OXCT1: variants seen among roughly 807,000 people sequenced by gnomAD.
OXCT1 encodes 3-oxoacid CoA-transferase 1.
OXCT1 carries 27 observed loss-of-function variants against 69.6 expected under a neutral mutation model. The observed-to-expected ratio is 0.39, with a 90% confidence interval of 0.29 to 0.54. The LOEUF (loss-of-function observed/expected upper bound fraction) is 0.54. OXCT1 is among the 20% of genes least tolerant of loss of function. OXCT1 has a pLI of 0.72. For missense variants in OXCT1, 437 were observed against 650.2 expected, an observed-to-expected ratio of 0.67 and a Z score of 3.57; for synonymous variants, 202 against 217.8, an observed-to-expected ratio of 0.93 and a Z score of 0.64.
chr5:41,837,624 G>A (rs1387442140), intron 7 of OXCT1, among the ~76,000 whole-genome samples: 3 of 137,402 alleles, frequency 2.2e-5, no homozygotes, highest in Non-Finnish European at 3.1e-5. Flanking sequence ...AGAAAAATAA[G>A]CTGGGCAAAA....
rs1750213597 is a variant in OXCT1 at position 41,870,065 on chromosome 5, AG to A, written c.78+215del. The stretch of plus-strand genomic sequence containing the variant: ...CTTCTTTATCGCGTCTCGCTCCATC[AG>A]GGAAGCGACTGCAGAACCAAGCAAA... On this transcript the variant is annotated intron_variant, in intron 1 of 16. Coordinates refer to ENST00000196371, the MANE Select transcript of OXCT1 (RefSeq NM_000436.4). The surrounding 1 kb of genome is among the most constrained non-coding windows in gnomAD (Gnocchi z 4.2). The A allele has an allele frequency of 5.1e-6, 3 of 591,468 alleles. No homozygotes were observed. The highest frequency in any genetic ancestry group is 9.1e-6 in the Non-Finnish European group (3 of 328,088). 36.6% of individuals were successfully genotyped at this position (591,468 alleles called of 1,614,324 possible).
chr5:41,850,988 A>G (rs1291828955), intron 4 of OXCT1, among the ~76,000 whole-genome samples: 2 of 152,152 alleles, frequency 1.3e-5, no homozygotes, highest in Non-Finnish European at 2.9e-5. Context: ...CTTACTAGAA[A>G]ACTGACTGGC....
chr5:41,870,390 G>T lies in OXCT1; in HGVS notation c.-32C>A, dbSNP rs1281485983. On this transcript the variant is annotated 5_prime_UTR_variant, in exon 1 of 17. Coordinates refer to ENST00000196371, the MANE Select transcript of OXCT1 (RefSeq NM_000436.4). The surrounding 1 kb of genome is among the most constrained non-coding windows in gnomAD (Gnocchi z 4.2). Reference sequence around the variant, plus strand: ...GCGGTGAGGCAGGAGGAGGCTGCGGGTTGGAGCGCGCGTTTGAGCGTCGGT... The same window carrying T: ...GCGGTGAGGCAGGAGGAGGCTGCGGTTTGGAGCGCGCGTTTGAGCGTCGGT... 1 of 1,564,640 alleles carries T rather than the reference G, an allele frequency of 6.4e-7. No homozygotes were observed. Among genetic ancestry groups the T allele is most frequent in the Non-Finnish European group, 8.8e-7 (1 of 1,138,846 alleles).
At position 41,794,767 on chromosome 5, in the gene OXCT1, CA is replaced by C. The variant is rs766504380; in HGVS notation, c.1100-19del. 2.4e-5 allele frequency: 39 copies of C among 1,605,076 alleles called. No individual in the cohort carries two copies. The highest frequency in any genetic ancestry group is 3.2e-5 in the Non-Finnish European group (37 of 1,173,628). On this transcript the variant is annotated intron_variant, in intron 11 of 16. Coordinates refer to ENST00000196371, the MANE Select transcript of OXCT1 (RefSeq NM_000436.4). Reference sequence around the variant, plus strand: ...TTCCTTGCCTAAACACACACACACACAAAAGAAAGAAAAGGCTATTAGATTT... The same window carrying C: ...TTCCTTGCCTAAACACACACACACACAAAGAAAGAAAAGGCTATTAGATTT...
At chr5:41,753,308 T>A (rs797000022) in intron 14 of OXCT1, among the ~76,000 whole-genome samples, 5 of 91,338 alleles carry the variant, frequency 5.5e-5, no homozygotes, top group Non-Finnish European at 9.4e-5. Context: ...CACACACACA[T>A]AGACACACAC....
chr5:41,783,877 A>G (rs1044264128), intron 13 of OXCT1, among the ~76,000 whole-genome samples: 1 of 152,186 alleles, frequency 6.6e-6, no homozygotes, highest in Non-Finnish European at 1.5e-5. Flanking sequence ...CAGCAAGGAG[A>G]GAAATATTTT....
intron 6 of OXCT1, among the ~76,000 whole-genome samples, chr5:41,841,099 A>G (rs1748606952): frequency 6.6e-6 from 1 of 152,228 alleles, no homozygotes; most frequent in African/African-American, 2.4e-5. Flanking sequence ...CCCGAGGTGT[A>G]AAAATTTCTA....
chr5:41,757,467 C>G (rs927618067), intron 14 of OXCT1, among the ~76,000 whole-genome samples: 2 of 152,068 alleles, frequency 1.3e-5, no homozygotes, highest in African/African-American at 4.8e-5. Flanking sequence ...TTCCATGACT[C>G]TGCCCCCATA....
In OXCT1 at chr5:41,762,915, T is replaced by TTC. The variant is rs1239286199; in HGVS notation, c.1249-717_1249-716dup. 6.6e-6 allele frequency among the ~76,000 whole-genome samples: 1 copy of TTC among 152,112 alleles called. No individual in the cohort carries two copies. Among genetic ancestry groups the TTC allele is most frequent in the Non-Finnish European group, 1.5e-5 (1 of 68,012 alleles). ...TGCTCTGAAAAAGTCCATCCGTCTA[T>TTC]TCTGTCTCCTGCTTACAGAGTTCTG... On this transcript the variant is annotated intron_variant, in intron 13 of 16. Coordinates refer to ENST00000196371, the MANE Select transcript of OXCT1 (RefSeq NM_000436.4). This position sits in a 1 kb window ranked among gnomAD's most constrained non-coding sequence, Gnocchi z 4.0.
intron 7 of OXCT1, among the ~76,000 whole-genome samples, chr5:41,834,131 T>C (rs1748236117): frequency 6.6e-6 from 1 of 151,654 alleles, no homozygotes. Flanking sequence ...AGCCTCATGC[T>C]AACATCAAAT....
Position 41,731,472 on chromosome 5 carries a change from T to C in OXCT1, c.*257A>G. ...ACATACCATATTCAGTGAAAATGCA[T>C]TCAATATAATTACCTATTATAAAAA... On this transcript the variant is annotated 3_prime_UTR_variant, in exon 17 of 17. Transcript: ENST00000196371. The C allele has an allele frequency of 1.1e-6, 1 of 873,890 alleles. No homozygotes were observed. The highest frequency in any genetic ancestry group is 1.6e-6 in the Non-Finnish European group (1 of 630,510). The allele number at this position is 873,890 out of a possible 1,614,324, so 54.1% of individuals were successfully genotyped here.
Position 41,762,159 on chromosome 5 carries a change from C to T in OXCT1, c.1290G>A (p.Val430=), listed in dbSNP as rs747337968. The T allele has an allele frequency of 1.2e-6, 2 of 1,613,372 alleles. No individual in the cohort carries two copies. The highest frequency in any genetic ancestry group is 1.7e-6 in the Non-Finnish European group (2 of 1,179,472). Residue 430 remains valine (V), a synonymous_variant, in exon 14 of 17, where the codon GTG becomes GTA. Coordinates refer to ENST00000196371, the MANE Select transcript of OXCT1 (RefSeq NM_000436.4). This position sits in a 1 kb window ranked among gnomAD's most constrained non-coding sequence, Gnocchi z 4.0. ...VKGMGGAMDL[V]SSAKTKVVVT... ...CCACCACTTTGGTTTTCGCACTGGA[C>T]ACTAAATCCATAGCACCTCCCATTC... is the stretch of plus-strand genomic sequence containing the variant.
chr5:41,844,045 G>T (rs950762264), intron 5 of OXCT1, among the ~76,000 whole-genome samples: 5 of 152,106 alleles, frequency 3.3e-5, no homozygotes, highest in Admixed American at 3.3e-4. Context: ...TAGAAAACTG[G>T]GGTAAATATA....
At chr5:41,800,928 G>T in intron 11 of OXCT1, 94 bp downstream of exon 11, 1 of 1,029,492 alleles carries the variant, frequency 9.7e-7, no homozygotes, top group Non-Finnish European at 1.5e-6. Flanking sequence ...ACCATGGAGT[G>T]CTCTCCAGGA....
chr5:41,866,590 G>C (rs1292185912), intron 1 of OXCT1, among the ~76,000 whole-genome samples: 1 of 152,210 alleles, frequency 6.6e-6, no homozygotes, highest in East Asian at 1.9e-4. Context: ...GTAGTGATGT[G>C]TGTGAAAATA....
At chr5:41,825,010 A>C (rs1371382569) in intron 7 of OXCT1, among the ~76,000 whole-genome samples, 1 of 152,236 alleles carries the variant, frequency 6.6e-6, no homozygotes, top group Non-Finnish European at 1.5e-5. Context: ...CTATTAAGGA[A>C]ACTAAAATAG....
intron 14 of OXCT1, among the ~76,000 whole-genome samples, chr5:41,756,287 T>G (rs1295150176): frequency 6.6e-6 from 1 of 152,090 alleles, no homozygotes; most frequent in Non-Finnish European, 1.5e-5. Context: ...AAAGTTATAC[T>G]TAGGAACACG....
intron 7 of OXCT1, among the ~76,000 whole-genome samples, chr5:41,813,967 G>A (rs1015017941): frequency 6.6e-6 from 1 of 151,656 alleles, no homozygotes; most frequent in Non-Finnish European, 1.5e-5. Flanking sequence ...TTTTTATTTG[G>A]CATCCCAGGC....
At chr5:41,839,986 C>A (rs528193083) in intron 7 of OXCT1, among the ~76,000 whole-genome samples, 2 of 152,280 alleles carry the variant, frequency 1.3e-5, no homozygotes, top group Non-Finnish European at 2.9e-5. Context: ...CACTGAGATA[C>A]CCAAAGGACA....
Sources: gnomAD v4.1 joint callset for allele counts (sites outside exome capture counted in the v4.1 genomes callset) on GRCh38, gnomAD v4.1.1 for gene constraint, Gnocchi (gnomAD v3.1) non-coding constraint, MANE v1.5 for transcripts, NCBI Gene and HGNC (gene_info 2026-07-23, HGNC 2026-07-21) for gene names.